SMARCA2: variants seen among roughly 807,000 people sequenced by gnomAD.
SMARCA2 encodes SWI/SNF-related matrix-associated actin-dependent regulator of chromatin subfamily A member 2.
Under a neutral mutation model 199.8 loss-of-function variants are expected in SMARCA2, and 61 were observed. The ratio of observed to expected loss-of-function variants is 0.31; its 90% CI spans 0.25 to 0.38. The LOEUF is 0.38. SMARCA2 is among the 10% of genes least tolerant of loss of function. The pLI is 1.00. For synonymous variants in SMARCA2, 935 were observed against 732.0 expected (o/e 1.28, Z -4.48); for missense variants, 1,344 against 2,012.2 (o/e 0.67, Z 6.35).
intron 32 of SMARCA2, among the ~76,000 whole-genome samples, chr9:2,191,039 G>T (rs1279378946): frequency 1.3e-5 from 2 of 152,204 alleles, no homozygotes; most frequent in Non-Finnish European, 2.9e-5. Context: ...GGTCCCTCTT[G>T]TTGCCTGTTT....
In SMARCA2 at chr9:2,176,703, C is replaced by T. The variant is rs184094092; in HGVS notation, c.4254-4868C>T. On this transcript the variant is annotated intron_variant, in intron 29 of 33. Coordinates refer to ENST00000349721, the MANE Select transcript of SMARCA2 (RefSeq NM_003070.5). ...AGTAGCTTGGGACTACAGGCACATG[C>T]CACCACGCCTGGCTAAGTTTTGTAT... Among the ~76,000 whole-genome samples, 9 of 148,832 alleles carry T rather than the reference C, an allele frequency of 6.0e-5. No homozygotes were observed. The Admixed American group carries it at 6.1e-4, about 10-fold the overall frequency.
chr9:2,182,579 C>A (rs902204539), intron 31 of SMARCA2, among the ~76,000 whole-genome samples: 1 of 149,088 alleles, frequency 6.7e-6, no homozygotes, highest in Admixed American at 6.8e-5. Flanking sequence ...TGGCAACCTC[C>A]GCCTCCCAGG....
intron 5 of SMARCA2, among the ~76,000 whole-genome samples, chr9:2,049,297 G>A (rs1011279742): frequency 1.3e-5 from 2 of 152,078 alleles, no homozygotes; most frequent in Non-Finnish European, 1.5e-5. Context: ...GGACTTTCTT[G>A]TAATAAGTTT....
chr9:2,021,208 G>T (rs1818585516), intron 1 of SMARCA2, among the ~76,000 whole-genome samples: 1 of 151,956 alleles, frequency 6.6e-6, no homozygotes, highest in Non-Finnish European at 1.5e-5. Context: ...ATATGGGCTG[G>T]CCCTTTTGTA....
intron 19 of SMARCA2, among the ~76,000 whole-genome samples, chr9:2,093,420 A>G (rs1405459632): frequency 6.6e-6 from 1 of 152,140 alleles, no homozygotes; most frequent in Non-Finnish European, 1.5e-5. Flanking sequence ...AAAGCGAGTC[A>G]TGTGCTGGGA....
Position 2,119,475 on chromosome 9 carries a change from G to T in SMARCA2, c.3702G>T (p.Pro1234=), listed in dbSNP as rs140458185. ...EEENEEEDEV[P]DDETLNQMIA... is the part of the protein sequence containing the mutation. ...AACCCCAGGAAGAAGATGAAGTACC[G>T]GACGATGAGACTCTGAACCAAATGA... The change falls in exon 26 of 34, where the codon CCG becomes CCT. Residue 1234 remains proline, a synonymous_variant. Coordinates refer to ENST00000349721, the MANE Select transcript of SMARCA2 (RefSeq NM_003070.5). The surrounding 1 kb of genome is among the most constrained non-coding windows in gnomAD (Gnocchi z 4.6). The T allele has an allele frequency of 3.1e-6, 5 of 1,612,824 alleles. No homozygotes were observed. Among genetic ancestry groups the T allele is most frequent in the Non-Finnish European group, 4.2e-6 (5 of 1,178,914 alleles).
At chr9:2,132,380 C>T (rs1824000630) in intron 27 of SMARCA2, among the ~76,000 whole-genome samples, 3 of 152,294 alleles carry the variant, frequency 2.0e-5, no homozygotes, top group Non-Finnish European at 2.9e-5. Context: ...CTCTGTTTCT[C>T]CTGACAGCAT....
Position 2,163,961 on chromosome 9 carries a change from C to T in SMARCA2, c.4199+2058C>T, listed in dbSNP as rs148122273. 4.2e-3 allele frequency among the ~76,000 whole-genome samples: 645 copies of T among 152,246 alleles called. 5 individuals are homozygous for T. The highest frequency in any genetic ancestry group is 0.015 in the African/African-American group (616 of 41,542). ...AGATTTCTTGCAAAAATTTCCCTCC[C>T]ATCCCCCACCCTTTTGAAAAACCAG... is the stretch of plus-strand genomic sequence containing the variant. On this transcript the variant is annotated intron_variant, in intron 28 of 33. Transcript: ENST00000349721.
At chr9:2,182,012 A>C (rs1827066634) in intron 30 of SMARCA2, 129 bp from the exon 31 acceptor site, 1 of 739,202 alleles carries the variant, frequency 1.4e-6, no homozygotes, top group Non-Finnish European at 2.4e-6. Flanking sequence ...GGGGTTATGC[A>C]GTCCCAGATC....
At chr9:2,171,857 G>A (rs1200582456) in intron 29 of SMARCA2, among the ~76,000 whole-genome samples, 2 of 152,286 alleles carry the variant, frequency 1.3e-5, no homozygotes, top group East Asian at 3.9e-4. Flanking sequence ...CCATCAAGAT[G>A]GTCATGTGAC....
intron 5 of SMARCA2, among the ~76,000 whole-genome samples, chr9:2,052,944 G>C (rs538608212): frequency 1.2e-4 from 18 of 152,228 alleles, no homozygotes; most frequent in African/African-American, 4.1e-4. Context: ...ATCATGTTTG[G>C]AAAAAACTGT....
chr9:2,027,766 TA>T (rs1818896587), intron 1 of SMARCA2: 1 of 152,226 alleles, frequency 6.6e-6, no homozygotes, highest in Non-Finnish European at 1.5e-5. Flanking sequence ...TCTCTGCCAC[TA>T]AACAATGGGT....
chr9:2,070,183 C>A (rs144804879), intron 9 of SMARCA2, among the ~76,000 whole-genome samples: 1 of 152,198 alleles, frequency 6.6e-6, no homozygotes, highest in Admixed American at 6.5e-5. Context: ...ATCTACAAAT[C>A]TCTAGTGTGC....
Position 2,118,853 on chromosome 9 carries a change from G to T in SMARCA2, c.3685-605G>T, listed in dbSNP as rs145073731. 3.0e-3 allele frequency among the ~76,000 whole-genome samples: 456 copies of T among 151,938 alleles called. 3 individuals are homozygous for T. The highest frequency in any genetic ancestry group is 0.011 in the African/African-American group (440 of 41,444). ...TAATTTTGAGGTTTTTTTTGTTACT[G>T]ATACCTTTTTAGTTATCCCATCCAT... On this transcript the variant is annotated intron_variant, in intron 25 of 33. Coordinates refer to ENST00000349721, the MANE Select transcript of SMARCA2 (RefSeq NM_003070.5).
chr9:2,131,152 A>T (rs930123997), intron 27 of SMARCA2, among the ~76,000 whole-genome samples: 8 of 152,238 alleles, frequency 5.3e-5, no homozygotes, highest in Non-Finnish European at 1.0e-4. Flanking sequence ...GATAATTGGA[A>T]TGCATTCTAG....
chr9:2,054,949 C>T (rs555793688), intron 6 of SMARCA2, among the ~76,000 whole-genome samples: 1 of 151,994 alleles, frequency 6.6e-6, no homozygotes, highest in Non-Finnish European at 1.5e-5. Context: ...AGAGTTTTTC[C>T]TCCTGTACTA....
chr9:2,183,841 T>C (rs976132712), intron 31 of SMARCA2, among the ~76,000 whole-genome samples: 1 of 152,166 alleles, frequency 6.6e-6, no homozygotes, highest in Non-Finnish European at 1.5e-5. Flanking sequence ...ACAGACAGTT[T>C]GTTTTAGTCT....
chr9:2,151,318 G>A (rs1329150472), intron 27 of SMARCA2, among the ~76,000 whole-genome samples: 1 of 151,558 alleles, frequency 6.6e-6, no homozygotes, highest in Non-Finnish European at 1.5e-5. Flanking sequence ...AAAGATGAAA[G>A]TGCTGCAAAG....
chr9:2,073,229 C>G lies in SMARCA2; in HGVS notation c.1764C>G (p.Ser588Arg). The G allele has an allele frequency of 6.2e-7, 1 of 1,614,124 alleles. No homozygotes were observed. The highest frequency in any genetic ancestry group is 8.5e-7 in the Non-Finnish European group (1 of 1,180,012). The change falls in exon 11 of 34, where the codon AGC (serine) becomes AGG (arginine). Residue 588 changes from serine (S) to arginine (R), a missense_variant. Ser to Arg is a moderately radical substitution (Grantham distance 110). Transcript: ENST00000349721. ...GPDGEPIDES[S>R]QMSDLPVKVT... ...CTTTGTAGCCCATAGATGAGAGCAG[C>G]CAGATGAGTGACCTCCCTGTCAAAG...
Sources: gnomAD v4.1 joint callset for allele counts (sites outside exome capture counted in the v4.1 genomes callset) on GRCh38, gnomAD v4.1.1 for gene constraint, Gnocchi (gnomAD v3.1) non-coding constraint, MANE v1.5 for transcripts, NCBI Gene and HGNC (gene_info 2026-07-23, HGNC 2026-07-21) for gene names.